Variants in HLTF observed in about 807,000 individuals in gnomAD.
The protein encoded by HLTF is helicase like transcription factor, also known as DNA-dependent ATPase/E3 ubiquitin-protein ligase HLTF.
A neutral mutation model predicts 129.4 loss-of-function variants in HLTF; 127 were observed. The ratio of observed to expected loss-of-function variants is 0.98; its 90% CI spans 0.85 to 1.14. The LOEUF is 1.14. HLTF is among the 50% of genes most tolerant of loss of function. The pLI, the probability that HLTF is intolerant of heterozygous loss-of-function variation, is 0.00. For synonymous variants in HLTF, 332 were observed against 388.8 expected, an observed-to-expected ratio of 0.85 and a Z score of 1.72; for missense variants, 1,139 against 1,187.1, an observed-to-expected ratio of 0.96 and a Z score of 0.60.
At chr3:149,047,641 CAAAT>C (rs1716660292) in intron 17 of HLTF, among the ~76,000 whole-genome samples, 1 of 151,968 alleles carries the variant, frequency 6.6e-6, no homozygotes, top group African/African-American at 2.4e-5. Context: ...GACTCCATCT[CAAAT>C]AAATAAATAC....
At chr3:149,080,003 T>C (rs1473527528) in intron 2 of HLTF, among the ~76,000 whole-genome samples, 1 of 151,740 alleles carries the variant, frequency 6.6e-6, no homozygotes, top group Non-Finnish European at 1.5e-5. Context: ...ACTCAAAATA[T>C]ATAGTAAAAG....
rs113677209 is a variant in HLTF at position 149,048,171 on chromosome 3, T to G, written c.1757-8A>C. 80 of 1,598,748 alleles carry G rather than the reference T, an allele frequency of 5.0e-5. 1 individual carries two copies. The African/African-American group carries it at 8.5e-4, about 17-fold the overall frequency. On this transcript the variant is annotated splice_region_variant and splice_polypyrimidine_tract_variant and intron_variant, in intron 16 of 24. Coordinates refer to ENST00000310053, the MANE Select transcript of HLTF (RefSeq NM_003071.4). Reference sequence around the variant, plus strand: ...AATTCTGGATTGGAGTACCTAGAAATAACAGGAAACTGTTATAACTCTTTA... The same window carrying G: ...AATTCTGGATTGGAGTACCTAGAAAGAACAGGAAACTGTTATAACTCTTTA...
chr3:149,032,967 A>AAC (rs1553735763), intron 24 of HLTF, among the ~76,000 whole-genome samples: 4 of 143,352 alleles, frequency 2.8e-5, no homozygotes, highest in African/African-American at 1.0e-4. Context: ...CAAAAAAAAA[A>AAC]AAAAAAAAAA....
At chr3:149,085,764 C>T (rs1340552794) in intron 1 of HLTF, among the ~76,000 whole-genome samples, 1 of 152,146 alleles carries the variant, frequency 6.6e-6, no homozygotes, top group Non-Finnish European at 1.5e-5. Flanking sequence ...GTAACTGTTT[C>T]GGGAATGACC....
rs752473743 is a variant in HLTF, at chr3:149,084,760, A to C, written c.150T>G (p.Thr50=). ...AAACGGAATCTACTTCTTCATCACT[A>C]GTTAGAAAGTCATCTGGAGGGATAA... The part of the protein sequence containing the change: ...QDVIPPDDFL[T]SDEEVDSVLF... The change falls in exon 2 of 25, where the codon ACT becomes ACG. Residue 50 remains threonine (T), a synonymous_variant. Coordinates refer to ENST00000310053, the MANE Select transcript of HLTF (RefSeq NM_003071.4). The C allele has an allele frequency of 6.2e-7, 1 of 1,613,948 alleles. No homozygotes were observed. The highest frequency in any genetic ancestry group is 2.2e-5 in the East Asian group (1 of 44,882).
chr3:149,045,106 G>A (rs1054138002), intron 18 of HLTF, among the ~76,000 whole-genome samples: 4 of 151,962 alleles, frequency 2.6e-5, no homozygotes, highest in African/African-American at 9.7e-5. Context: ...ATAAATCTCT[G>A]ATATCATGAC....
chr3:149,073,982 C>T (rs1719100532), intron 4 of HLTF, among the ~76,000 whole-genome samples: 1 of 151,878 alleles, frequency 6.6e-6, no homozygotes, highest in Non-Finnish European at 1.5e-5. Context: ...TATACTTTTT[C>T]TTTAATTTTT....
intron 7 of HLTF, 46 bp downstream of exon 7, chr3:149,071,205 CA>C: frequency 8.1e-7 from 1 of 1,231,796 alleles, no homozygotes; most frequent in Non-Finnish European, 1.1e-6. Context: ...TCTAGAAAAT[CA>C]TAATCACAAA....
chr3:149,048,121 A>T lies in HLTF; in HGVS notation c.1799T>A (p.Leu600His). Residue 600 changes from leucine to histidine, a missense_variant, in exon 17 of 25, where the codon CTT becomes CAT. Leu to His is a moderately conservative substitution (Grantham distance 99). Transcript: ENST00000310053. ...AAATGGTTTAAGTTTTAAAAAGGAA[A>T]GAAGAGACCACAAGTCCTTTAAAGA... The part of the protein sequence containing the change: ...QNSLKDLWSL[L>H]SFLKLKPFID... 2 of 1,612,728 alleles carry T rather than the reference A, an allele frequency of 1.2e-6. No homozygotes were observed. The highest frequency in any genetic ancestry group is 1.7e-6 in the Non-Finnish European group (2 of 1,179,148).
At chr3:149,056,874 C>A (rs1350088671) in intron 13 of HLTF, among the ~76,000 whole-genome samples, 18 of 152,058 alleles carry the variant, frequency 1.2e-4, no homozygotes, top group Admixed American at 9.2e-4. Context: ...CTTTGGGAGG[C>A]CGAGGCGGGC....
At chr3:149,063,291 A>T (rs1718101312) in intron 10 of HLTF, 140 bp downstream of exon 10, 2 of 570,030 alleles carry the variant, frequency 3.5e-6, no homozygotes, top group South Asian at 3.6e-5. Flanking sequence ...CAATCTCCTG[A>T]CCTCATGATC....
chr3:149,067,694 A>C (rs1301085834), intron 8 of HLTF, among the ~76,000 whole-genome samples: 1 of 152,072 alleles, frequency 6.6e-6, no homozygotes, highest in Admixed American at 6.5e-5. Flanking sequence ...GGGAAAAAAA[A>C]ATAATAATAA....
intron 14 of HLTF, 47 bp from the exon 15 acceptor site, chr3:149,050,422 A>G: frequency 7.6e-7 from 1 of 1,323,742 alleles, no homozygotes; most frequent in Non-Finnish European, 1.0e-6. Flanking sequence ...GATTTGTGTC[A>G]GACTTAATAG....
Position 149,060,792 on chromosome 3 carries a change from C to T in HLTF, c.1227G>A (p.Pro409=), listed in dbSNP as rs137985485. The T allele has an allele frequency of 8.3e-5, 134 of 1,612,328 alleles. No individual in the cohort carries two copies. Among genetic ancestry groups the T allele is most frequent in the Admixed American group, 2.7e-4 (16 of 59,982 alleles). ...ATTACATGTTACCTTTCATTTTCTG[C>T]GGCAATTCACTTGTTTCAATTTCCT... ...DSEEIETSEL[P]QKMKGKLKNV... is the part of the protein sequence containing the mutation. The change falls in exon 11 of 25, where the codon CCG becomes CCA. Residue 409 remains proline (P), a synonymous_variant. Coordinates refer to ENST00000310053, the MANE Select transcript of HLTF (RefSeq NM_003071.4).
chr3:149,082,777 A>T (rs1719984061), intron 2 of HLTF, among the ~76,000 whole-genome samples: 1 of 152,228 alleles, frequency 6.6e-6, no homozygotes, highest in African/African-American at 2.4e-5. Flanking sequence ...TCAACAAGGA[A>T]ATTATAAGTC....
chr3:149,064,291 C>A (rs1251998008), intron 9 of HLTF, among the ~76,000 whole-genome samples: 1 of 152,172 alleles, frequency 6.6e-6, no homozygotes, highest in Non-Finnish European at 1.5e-5. Flanking sequence ...CAATTTTTCA[C>A]CTACTACTCT....
chr3:149,060,642 C>G lies in HLTF; in HGVS notation c.1285+1G>C. On this transcript the variant is annotated splice_donor_variant, in intron 12 of 24. Coordinates refer to ENST00000310053, the MANE Select transcript of HLTF (RefSeq NM_003071.4). LOFTEE classifies it high-confidence loss of function. ...ATTATGGGTATATAGTATACACATA[C>G]CTTTCGCCCTGCCTTTAGTTTCAGA... 1 of 1,608,176 alleles carries G rather than the reference C, an allele frequency of 6.2e-7. No homozygotes were observed. The highest frequency in any genetic ancestry group is 8.5e-7 in the Non-Finnish European group (1 of 1,175,184).
At chr3:149,044,940 T>A (rs1199144426) in intron 18 of HLTF, among the ~76,000 whole-genome samples, 1 of 152,132 alleles carries the variant, frequency 6.6e-6, no homozygotes, top group East Asian at 1.9e-4. Context: ...CTTATTCCTA[T>A]TCAAATAACC....
At chr3:149,044,613 C>T (rs1441696899) in intron 18 of HLTF, among the ~76,000 whole-genome samples, 1 of 152,128 alleles carries the variant, frequency 6.6e-6, no homozygotes, top group African/African-American at 2.4e-5. Flanking sequence ...GATATCTCTA[C>T]TTGGAAAATT....
Sources: gnomAD v4.1 joint callset for allele counts (sites outside exome capture counted in the v4.1 genomes callset) on GRCh38, gnomAD v4.1.1 for gene constraint, MANE v1.5 for transcripts, NCBI Gene and HGNC (gene_info 2026-07-23, HGNC 2026-07-21) for gene names.